TMSB15B: variants seen among roughly 807,000 people sequenced by gnomAD.
The protein encoded by TMSB15B is thymosin beta-15B.
intron 1 of TMSB15B, among the ~76,000 whole-genome samples, chrX:103,920,493 G>A (rs1556317497): frequency 1.8e-5 from 2 of 111,606 alleles, no homozygotes; most frequent in African/African-American, 6.5e-5. Context: ...TGTCATCAGT[G>A]TATTTGTCCA....
intron 1 of TMSB15B, among the ~76,000 whole-genome samples, chrX:103,955,856 A>T (rs1556329059): frequency 9.0e-6 from 1 of 111,597 alleles, no homozygotes; most frequent in African/African-American, 3.3e-5. Context: ...GCTTCTCTAT[A>T]GTCAAAATGA....
chrX:103,928,882 G>T, intron 1 of TMSB15B: 1 of 1,205,103 alleles, frequency 8.3e-7, no homozygotes, highest in Non-Finnish European at 1.1e-6. Context: ...GAACACTTGG[G>T]GCCAAAAGCT....
intron 1 of TMSB15B, among the ~76,000 whole-genome samples, chrX:103,922,298 G>C (rs1442259705): frequency 9.2e-6 from 1 of 108,153 alleles, no homozygotes; most frequent in Admixed American, 9.9e-5. Context: ...ATGTTGGTGT[G>C]CTGCACCCAT....
At chrX:103,934,873 G>A (rs781948703) in intron 1 of TMSB15B, among the ~76,000 whole-genome samples, 17 of 111,893 alleles carry the variant, frequency 1.5e-4, no homozygotes, top group Non-Finnish European at 2.8e-4. Context: ...AGATTGCTGA[G>A]TCAAATGGTA....
chrX:103,935,467 GGTTTTAGGTCTTAC>G (rs2074995069), intron 1 of TMSB15B, among the ~76,000 whole-genome samples: 1 of 112,056 alleles, frequency 8.9e-6, no homozygotes, highest in South Asian at 3.7e-4. Flanking sequence ...GGGTTTTTAT[GGTTTTAGGTCTTAC>G]GTTTAAATCT....
chrX:103,921,599 C>T (rs1556317812), intron 1 of TMSB15B, among the ~76,000 whole-genome samples: 1 of 112,187 alleles, frequency 8.9e-6, no homozygotes, highest in African/African-American at 3.2e-5. Flanking sequence ...TACAGGACAT[C>T]CTATCTCTGG....
At chrX:103,954,455 G>A (rs1257475809) in intron 1 of TMSB15B, among the ~76,000 whole-genome samples, 1 of 111,098 alleles carries the variant, frequency 9.0e-6, no homozygotes, top group Non-Finnish European at 1.9e-5. Flanking sequence ...TCCTATGGCC[G>A]TGCACCAGCC....
At chrX:103,932,846 G>C (rs1267719041) in intron 1 of TMSB15B, 1 of 111,033 alleles carries the variant, frequency 9.0e-6, no homozygotes, top group African/African-American at 3.3e-5. Flanking sequence ...AAATAAGGAG[G>C]TAATAAATAC....
intron 1 of TMSB15B, chrX:103,932,057 C>T (rs1323437174): frequency 8.9e-6 from 1 of 112,112 alleles, no homozygotes; most frequent in Non-Finnish European, 1.9e-5. Flanking sequence ...GTACCTCACC[C>T]TATGCATCTC....
chrX:103,936,066 G>A lies in TMSB15B; in HGVS notation c.-721+16774G>A, dbSNP rs1383329505. ...TCTCCATATTGGTCAGGCTGGTCTCGAACTCCCCACCTCAGGTAATCCACC... is the reference window on the plus strand; with the variant it reads ...TCTCCATATTGGTCAGGCTGGTCTCAAACTCCCCACCTCAGGTAATCCACC... On this transcript the variant is annotated intron_variant, in intron 1 of 3. Coordinates refer to the TMSB15B transcript ENST00000419165. 5.5e-5 allele frequency among the ~76,000 whole-genome samples: 6 copies of A among 109,991 alleles called. No individual in the cohort carries two copies. The East Asian group carries it at 1.1e-3, about 21-fold the overall frequency.
At chrX:103,928,505 G>T in intron 1 of TMSB15B, 1 of 1,201,289 alleles carries the variant, frequency 8.3e-7, no homozygotes, top group Non-Finnish European at 1.1e-6. Context: ...CCCTTTGAAA[G>T]GGTGCAAAAT....
intron 1 of TMSB15B, chrX:103,931,257 C>T (rs1295474116): frequency 8.9e-6 from 1 of 112,116 alleles, no homozygotes; most frequent in Non-Finnish European, 1.9e-5. Flanking sequence ...ATGCATTTAT[C>T]TCCTAATTAC....
At chrX:103,934,661 G>T (rs2074992837) in intron 1 of TMSB15B, among the ~76,000 whole-genome samples, 1 of 111,680 alleles carries the variant, frequency 9.0e-6, no homozygotes, top group Non-Finnish European at 1.9e-5. Flanking sequence ...CCCTGCAAAA[G>T]ACATTAACTC....
At chrX:103,944,949 T>C in intron 1 of TMSB15B, among the ~76,000 whole-genome samples, 1 of 111,685 alleles carries the variant, frequency 9.0e-6, no homozygotes, top group Non-Finnish European at 1.9e-5. Context: ...CGCTGGCTTT[T>C]GTATTTTTAG....
intron 1 of TMSB15B, among the ~76,000 whole-genome samples, chrX:103,940,982 G>A (rs1233389530): frequency 2.8e-4 from 31 of 111,121 alleles, no homozygotes; most frequent in African/African-American, 9.8e-4. Flanking sequence ...CCCACCCCTT[G>A]AGCTTCCTGG....
At chrX:103,937,217 T>C (rs1556322180) in intron 1 of TMSB15B, among the ~76,000 whole-genome samples, 2 of 112,127 alleles carry the variant, frequency 1.8e-5, no homozygotes, top group Admixed American at 1.9e-4. Flanking sequence ...TCTGTTTCTA[T>C]TGTTTGGAAT....
intron 1 of TMSB15B, among the ~76,000 whole-genome samples, chrX:103,934,717 C>T (rs2074993035): frequency 8.9e-6 from 1 of 111,893 alleles, no homozygotes; most frequent in African/African-American, 3.3e-5. Context: ...ATATATGCCA[C>T]ATTTTCTTTA....
At chrX:103,937,858 G>T (rs1244698509) in intron 1 of TMSB15B, among the ~76,000 whole-genome samples, 1 of 111,517 alleles carries the variant, frequency 9.0e-6, no homozygotes, top group Non-Finnish European at 1.9e-5. Context: ...TAGAGATTCT[G>T]GTACGTTTTG....
intron 1 of TMSB15B, among the ~76,000 whole-genome samples, chrX:103,941,830 G>A (rs1255543934): frequency 3.6e-5 from 4 of 111,539 alleles, no homozygotes; most frequent in Non-Finnish European, 3.8e-5. Context: ...CTATCTAATG[G>A]GTGTAAATGG....
Sources: allele counts gnomAD v4.1 joint callset (sites outside exome capture counted in the v4.1 genomes callset), GRCh38; gene constraint gnomAD v4.1.1; transcripts MANE v1.5; gene names NCBI Gene and HGNC (gene_info 2026-07-23, HGNC 2026-07-21).